ANKRD13C: variants seen among roughly 807,000 people sequenced by gnomAD.
ANKRD13C encodes the protein ankyrin repeat domain-containing protein 13C.
ANKRD13C carries 16 observed loss-of-function variants against 65.5 expected under a neutral mutation model. The observed-to-expected ratio is 0.24, with a 90% CI of 0.17 to 0.37. ANKRD13C has a LOEUF of 0.37. ANKRD13C is among the 10% of genes least tolerant of loss of function. The pLI is 1.00. For missense variants in ANKRD13C, 503 were observed against 655.9 expected (o/e 0.77, Z 2.55); for synonymous variants, 235 against 238.7 (o/e 0.98, Z 0.14).
chr1:70,346,814 G>A (rs968723753), intron 1 of ANKRD13C, among the ~76,000 whole-genome samples: 7 of 152,232 alleles, frequency 4.6e-5, no homozygotes, highest in South Asian at 2.1e-4. Flanking sequence ...TGTGTCGGGC[G>A]GGCGCGGTGG....
At chr1:70,312,942 A>G (rs2101459875) in intron 5 of ANKRD13C, among the ~76,000 whole-genome samples, 1 of 152,300 alleles carries the variant, frequency 6.6e-6, no homozygotes, top group South Asian at 2.1e-4. Context: ...GATCTTTCGT[A>G]AGTCACTGGA....
At chr1:70,277,188 T>G (rs1679177605) in intron 9 of ANKRD13C, among the ~76,000 whole-genome samples, 1 of 152,228 alleles carries the variant, frequency 6.6e-6, no homozygotes, top group Non-Finnish European at 1.5e-5. Flanking sequence ...CCAGGCATAG[T>G]GGCTCATGCC....
rs1167219985 is a variant in ANKRD13C, at chr1:70,300,920, G to T, written c.777-12C>A. ...GAGTTGTGTCAAGCCTGTGAAACAT[G>T]GGTAGATGATAAACTCTGACAAATA... On this transcript the variant is annotated splice_polypyrimidine_tract_variant and intron_variant, in intron 6 of 12. Transcript: ENST00000370944. 6.2e-7 allele frequency: 1 copy of T among 1,600,196 alleles called. No individual in the cohort carries two copies. The highest frequency in any genetic ancestry group is 1.4e-5 in the African/African-American group (1 of 74,068).
At chr1:70,332,536 G>T (rs916471437) in intron 2 of ANKRD13C, among the ~76,000 whole-genome samples, 4 of 151,750 alleles carry the variant, frequency 2.6e-5, no homozygotes, top group African/African-American at 9.7e-5. Flanking sequence ...GTATGATCTC[G>T]GCTCACTGCA....
In ANKRD13C at chr1:70,262,792, G is replaced by A. The variant is rs186623984; in HGVS notation, c.1551C>T (p.Tyr517=). The A allele has an allele frequency of 2.2e-5, 35 of 1,613,420 alleles. No homozygotes were observed. The East Asian group carries it at 3.6e-4, about 16-fold the overall frequency. Residue 517 remains tyrosine, a synonymous_variant, in exon 13 of 13, where the codon TAC becomes TAT. Transcript: ENST00000370944. ...TATVTFQEFR[Y]DEFDGSIFTI... ...TAAAGATGGAGCCATCAAATTCATC[G>A]TATCGAAACTCCTGAAAAGTCACAG...
rs948787129 is a variant in ANKRD13C, at chr1:70,286,460, A to AT, written c.1215+5927dup. ...TAAGTCAGGTTGAAAAATAAGACTA[A>AT]TTTTTTTTTAAAAAATTAATGTTAG... On this transcript the variant is annotated intron_variant, in intron 9 of 12. Transcript: ENST00000370944. Among the ~76,000 whole-genome samples, 11 of 151,682 alleles carry AT rather than the reference A, an allele frequency of 7.3e-5. No homozygotes were observed. In the East Asian group the frequency reaches 7.7e-4, roughly 11 times the overall value.
At chr1:70,293,239 C>T (rs1377031097) in intron 8 of ANKRD13C, among the ~76,000 whole-genome samples, 2 of 151,968 alleles carry the variant, frequency 1.3e-5, no homozygotes, top group African/African-American at 2.4e-5. Flanking sequence ...TTAACTTTTA[C>T]CTTTTTCAGA....
At chr1:70,293,440 A>G in intron 8 of ANKRD13C, 1 of 519,112 alleles carries the variant, frequency 1.9e-6, no homozygotes, top group Non-Finnish European at 2.5e-6. Flanking sequence ...AAAAAAGCAA[A>G]GCATTCTGCA....
Position 70,311,673 on chromosome 1 carries a change from A to G in ANKRD13C, c.709+2072T>C, listed in dbSNP as rs916040892. Reference sequence around the variant, plus strand: ...CTGGGAAGTGGTAACAGGGAAACTTAAAAATACCTGATTAATTTTCTATAA... The same window carrying G: ...CTGGGAAGTGGTAACAGGGAAACTTGAAAATACCTGATTAATTTTCTATAA... On this transcript the variant is annotated intron_variant, in intron 5 of 12. Coordinates refer to ENST00000370944, the MANE Select transcript of ANKRD13C (RefSeq NM_030816.5). Among the ~76,000 whole-genome samples the G allele has an allele frequency of 4.6e-5, 7 of 152,306 alleles. No homozygotes were observed. The South Asian group carries it at 1.0e-3, about 23-fold the overall frequency.
At chr1:70,308,056 A>G (rs1046695037) in intron 5 of ANKRD13C, among the ~76,000 whole-genome samples, 1 of 152,244 alleles carries the variant, frequency 6.6e-6, no homozygotes, top group Non-Finnish European at 1.5e-5. Flanking sequence ...CATGCTCATT[A>G]ATTGAGATCC....
chr1:70,296,126 A>T lies in ANKRD13C; in HGVS notation c.1053+4T>A. The T allele has an allele frequency of 6.2e-7, 1 of 1,611,732 alleles. No individual in the cohort carries two copies. The highest frequency in any genetic ancestry group is 8.5e-7 in the Non-Finnish European group (1 of 1,179,366). On this transcript the variant is annotated splice_donor_region_variant and intron_variant, in intron 8 of 12. Transcript: ENST00000370944. ...AAAGTTTAAAAATCTAGATTTGCAC[A>T]TACTGTTTTATCTTCCCGAAAAAGC...
At chr1:70,299,892 A>C (rs1482591611) in intron 7 of ANKRD13C, among the ~76,000 whole-genome samples, 1 of 152,198 alleles carries the variant, frequency 6.6e-6, no homozygotes, top group Non-Finnish European at 1.5e-5. Flanking sequence ...TGGGAATGGA[A>C]GGGATTATTC....
chr1:70,300,783 T>TA lies in ANKRD13C; in HGVS notation c.901dup (p.Tyr301LeufsTer7), dbSNP rs1680318168. 1 of 1,609,972 alleles carries TA rather than the reference T, an allele frequency of 6.2e-7. No homozygotes were observed. The highest frequency in any genetic ancestry group is 8.5e-7 in the Non-Finnish European group (1 of 1,178,802). ...GCTCACCTCATGATGTATTCGCTGATAAACTTTTTGTTCATTGTCTAATAC... is the reference window on the plus strand; with the variant it reads ...GCTCACCTCATGATGTATTCGCTGATAAAACTTTTTGTTCATTGTCTAATAC... On this transcript the variant is annotated frameshift_variant, in exon 7 of 13. Coordinates refer to ENST00000370944, the MANE Select transcript of ANKRD13C (RefSeq NM_030816.5). LOFTEE classifies it high-confidence loss of function.
intron 10 of ANKRD13C, among the ~76,000 whole-genome samples, chr1:70,275,811 A>C (rs1256006078): frequency 6.6e-6 from 1 of 151,956 alleles, no homozygotes; most frequent in East Asian, 1.9e-4. Flanking sequence ...AAATACAAAA[A>C]TTAGCTGGGC....
rs1678326692 is a variant in ANKRD13C, at chr1:70,259,546, G to A, written c.*3171C>T. Among the ~76,000 whole-genome samples the A allele has an allele frequency of 6.6e-6, 1 of 152,176 alleles. No individual in the cohort carries two copies. The highest frequency in any genetic ancestry group is 2.4e-5 in the African/African-American group (1 of 41,464). ...AAAAATGTGATTCTTAACATGTTAT[G>A]AAATTTTTAGGTGGCAACCAGAGTT... On this transcript the variant is annotated 3_prime_UTR_variant, in exon 13 of 13. Coordinates refer to ENST00000370944, the MANE Select transcript of ANKRD13C (RefSeq NM_030816.5).
intron 1 of ANKRD13C, among the ~76,000 whole-genome samples, chr1:70,342,723 AAC>A (rs745583706): frequency 8.8e-5 from 13 of 147,432 alleles, no homozygotes; most frequent in Admixed American, 2.7e-4. Flanking sequence ...TAAAGAAAGA[AAC>A]ACACACACAC....
chr1:70,334,263 C>T (rs949004222), intron 2 of ANKRD13C, among the ~76,000 whole-genome samples: 27 of 151,752 alleles, frequency 1.8e-4, no homozygotes, highest in African/African-American at 6.1e-4. Context: ...GAGTTTGAAG[C>T]CGCAGTGAGC....
At position 70,354,118 on chromosome 1, in the gene ANKRD13C, G is replaced by A; in HGVS notation, c.291C>T (p.Gly97=). The change falls in exon 1 of 13, where the codon GGC becomes GGT. Residue 97 remains glycine, a synonymous_variant. Coordinates refer to ENST00000370944, the MANE Select transcript of ANKRD13C (RefSeq NM_030816.5). ...ANSQSPALLA[G]TNPVAVVADG... is the part of the protein sequence containing the mutation. Reference sequence around the variant, plus strand: ...CCGCGACGACAGCAACGGGGTTGGTGCCGGCCAGAAGGGCCGGGGACTGGG... The same window carrying A: ...CCGCGACGACAGCAACGGGGTTGGTACCGGCCAGAAGGGCCGGGGACTGGG... 6.2e-7 allele frequency: 1 copy of A among 1,613,644 alleles called. No individual in the cohort carries two copies. Among genetic ancestry groups the A allele is most frequent in the Non-Finnish European group, 8.5e-7 (1 of 1,179,668 alleles).
intron 3 of ANKRD13C, among the ~76,000 whole-genome samples, chr1:70,324,113 A>G (rs1172674071): frequency 2.0e-5 from 3 of 152,184 alleles, no homozygotes; most frequent in Non-Finnish European, 2.9e-5. Flanking sequence ...AGAGTTCCAC[A>G]TTATGCATTT....
Sources: gnomAD v4.1 joint callset for allele counts (sites outside exome capture counted in the v4.1 genomes callset) on GRCh38, gnomAD v4.1.1 for gene constraint, MANE v1.5 for transcripts, NCBI Gene and HGNC (gene_info 2026-07-23, HGNC 2026-07-21) for gene names.